Variants in RPF2 observed in about 807,000 individuals in gnomAD.
The protein encoded by RPF2 is brix domain containing 1.
In RPF2, 21 loss-of-function variants were observed where a neutral mutation model predicts 38.9. The ratio of observed to expected loss-of-function variants is 0.54; its 90% CI spans 0.38 to 0.78. The LOEUF (loss-of-function observed/expected upper bound fraction) is 0.78. RPF2 is among the 30% of genes least tolerant of loss of function. The probability of loss-of-function intolerance (pLI) is 0.00; values close to 1 mark genes in which losing one functional copy is unlikely to be tolerated. For synonymous variants in RPF2, 121 were observed against 126.2 expected, an observed-to-expected ratio of 0.96 and a Z score of 0.28; for missense variants, 314 against 358.1, an observed-to-expected ratio of 0.88 and a Z score of 0.99.
intron 3 of RPF2, among the ~76,000 whole-genome samples, chr6:110,990,559 AC>A (rs34703789): frequency 0.12 from 8,947 of 76,980 alleles, 474 homozygotes; most frequent in East Asian, 0.33. Flanking sequence ...GCAATTGGGA[AC>A]CCCCCCCCCC....
At chr6:111,007,170 G>A (rs146821440) in intron 6 of RPF2, among the ~76,000 whole-genome samples, 60 of 152,292 alleles carry the variant, frequency 3.9e-4, no homozygotes, top group African/African-American at 1.1e-3. Context: ...GGCATGAGCC[G>A]TCACACCTGG....
At chr6:110,988,157 C>T (rs1771555427) in intron 2 of RPF2, among the ~76,000 whole-genome samples, 1 of 152,004 alleles carries the variant, frequency 6.6e-6, no homozygotes, top group Non-Finnish European at 1.5e-5. Context: ...AAGCTTTAAT[C>T]ACGCCATTGC....
intron 3 of RPF2, among the ~76,000 whole-genome samples, chr6:110,991,543 A>G (rs893514529): frequency 1.3e-5 from 2 of 152,126 alleles, no homozygotes; most frequent in Non-Finnish European, 2.9e-5. Context: ...AAACTCCATG[A>G]AAGCAAGCAT....
intron 7 of RPF2, among the ~76,000 whole-genome samples, chr6:111,008,557 A>G (rs9372287): frequency 0.13 from 19,632 of 152,078 alleles, 1,754 homozygotes; most frequent in East Asian, 0.5. Context: ...TCCTGCACCC[A>G]TCTCCTGTCA....
intron 2 of RPF2, among the ~76,000 whole-genome samples, chr6:110,986,084 G>A (rs940270990): frequency 1.3e-5 from 2 of 152,172 alleles, no homozygotes; most frequent in Non-Finnish European, 2.9e-5. Context: ...AGAAGTTTGT[G>A]CAAAAGGGAG....
chr6:110,989,315 A>G (rs1248186884), intron 3 of RPF2, among the ~76,000 whole-genome samples: 1 of 152,218 alleles, frequency 6.6e-6, no homozygotes, highest in African/African-American at 2.4e-5. Context: ...AAAATAATGC[A>G]GAATTCCCAT....
intron 4 of RPF2, among the ~76,000 whole-genome samples, chr6:110,996,740 T>C (rs1408391836): frequency 6.6e-6 from 1 of 152,232 alleles, no homozygotes; most frequent in Non-Finnish European, 1.5e-5. Flanking sequence ...TTTTTCTTTC[T>C]GGTTCATTAA....
intron 7 of RPF2, among the ~76,000 whole-genome samples, chr6:111,011,284 C>T (rs1357232088): frequency 7.2e-6 from 1 of 138,784 alleles, no homozygotes; most frequent in East Asian, 2.6e-4. Context: ...ATTTTTCTTT[C>T]TTTCTTTCTT....
chr6:111,023,994 A>AT (rs1772278511), intron 8 of RPF2, among the ~76,000 whole-genome samples, 189 bp from the exon 9 acceptor site: 1 of 152,190 alleles, frequency 6.6e-6, no homozygotes, highest in African/African-American at 2.4e-5. Context: ...CTCAAAAAAA[A>AT]AAAAATTTAT....
At chr6:111,023,389 G>A (rs1428477152) in intron 8 of RPF2, among the ~76,000 whole-genome samples, 1 of 152,100 alleles carries the variant, frequency 6.6e-6, no homozygotes, top group African/African-American at 2.4e-5. Context: ...TGAATGGGTT[G>A]GTTTAACTCC....
intron 8 of RPF2, among the ~76,000 whole-genome samples, chr6:111,022,064 T>C (rs1404575651): frequency 1.3e-5 from 2 of 152,226 alleles, no homozygotes; most frequent in Admixed American, 6.5e-5. Flanking sequence ...TTTTATTCAC[T>C]ATGGAGTCAG....
At chr6:110,995,883 A>G (rs999312744) in intron 4 of RPF2, among the ~76,000 whole-genome samples, 4 of 151,906 alleles carry the variant, frequency 2.6e-5, no homozygotes, top group Non-Finnish European at 5.9e-5. Context: ...ATCACGGCTC[A>G]CTGCATGTAG....
intron 4 of RPF2, among the ~76,000 whole-genome samples, chr6:110,996,822 G>C (rs369272250): frequency 6.6e-6 from 1 of 151,846 alleles, no homozygotes; most frequent in Admixed American, 6.6e-5. Context: ...GTTTTTTTTA[G>C]ACAGAGTCTT....
rs1772335650 is a variant in RPF2 at position 111,026,787 on chromosome 6, T to C, written c.*1205T>C. 1.3e-5 allele frequency: 2 copies of C among 152,254 alleles called. 1 individual carries two copies. The highest frequency in any genetic ancestry group is 4.1e-4 in the South Asian group (2 of 4,836). 9.4% of individuals were successfully genotyped at this position (152,254 alleles called of 1,614,324 possible). A position where few individuals can be genotyped will look rare whatever the true frequency, so the allele number is the denominator to read the frequency against. ...GTGTTAAGTTCCTTGATTCAGTCCTTGACAAGGAATCTCCTTTATACAAGT... is the reference window on the plus strand; with the variant it reads ...GTGTTAAGTTCCTTGATTCAGTCCTCGACAAGGAATCTCCTTTATACAAGT... On this transcript the variant is annotated 3_prime_UTR_variant, in exon 10 of 10. Coordinates refer to ENST00000441448, the MANE Select transcript of RPF2 (RefSeq NM_032194.3).
intron 7 of RPF2, among the ~76,000 whole-genome samples, chr6:111,008,898 CTTTT>C (rs57167034): frequency 3.3e-5 from 4 of 120,418 alleles, no homozygotes; most frequent in South Asian, 6.0e-4. Flanking sequence ...TTCCTGGCTC[CTTTT>C]TTTTTTTTTT....
intron 8 of RPF2, among the ~76,000 whole-genome samples, chr6:111,022,968 G>A (rs972554923): frequency 6.6e-6 from 1 of 152,200 alleles, no homozygotes; most frequent in Non-Finnish European, 1.5e-5. Flanking sequence ...GCGCGATCTC[G>A]GCTCACTGCA....
chr6:111,011,873 A>C (rs1772021576), intron 7 of RPF2, among the ~76,000 whole-genome samples: 1 of 152,142 alleles, frequency 6.6e-6, no homozygotes, highest in Admixed American at 6.6e-5. Flanking sequence ...AGGGGAAGGG[A>C]GTGAAAACCA....
At chr6:111,018,682 GT>G (rs1339777077) in intron 8 of RPF2, among the ~76,000 whole-genome samples, 1 of 152,102 alleles carries the variant, frequency 6.6e-6, no homozygotes, top group Non-Finnish European at 1.5e-5. Context: ...CACCGCTTCT[GT>G]TTTTCTGTTT....
intron 8 of RPF2, among the ~76,000 whole-genome samples, chr6:111,016,258 T>C (rs1393165808): frequency 5.9e-5 from 9 of 152,134 alleles, no homozygotes; most frequent in African/African-American, 2.2e-4. Context: ...TCACTCTGTC[T>C]CTCTAGCCTA....
Sources: allele counts gnomAD v4.1 joint callset (sites outside exome capture counted in the v4.1 genomes callset), GRCh38; gene constraint gnomAD v4.1.1; transcripts MANE v1.5; gene names NCBI Gene and HGNC (gene_info 2026-07-23, HGNC 2026-07-21).